BIRC6: variants seen among roughly 807,000 people sequenced by gnomAD.
The protein encoded by BIRC6 is baculoviral IAP repeat containing 6.
In BIRC6, 98 loss-of-function variants were observed where a neutral mutation model predicts 503.3. The ratio of observed to expected loss-of-function variants is 0.19; its 90% CI spans 0.17 to 0.23. The LOEUF (loss-of-function observed/expected upper bound fraction) is 0.23, where lower values mean the gene tolerates loss of function less well. Among genes scored for constraint, BIRC6 ranks in the 10% least tolerant of loss-of-function variants. The pLI is 1.00. For synonymous variants in BIRC6, 2,240 were observed against 2,078.7 expected, an observed-to-expected ratio of 1.08 and a Z score of -2.11; for missense variants, 5,360 against 5,806.0, an observed-to-expected ratio of 0.92 and a Z score of 2.50.
chr2:32,569,840 T>TC (rs1296458795), intron 65 of BIRC6, among the ~76,000 whole-genome samples: 6 of 152,148 alleles, frequency 3.9e-5, no homozygotes, highest in Non-Finnish European at 5.9e-5. Context: ...CATGGAGTCT[T>TC]TAGGGTTTTC....
chr2:32,488,773 T>C (rs1572573339), intron 42 of BIRC6, 59 bp downstream of exon 42: 2 of 1,195,030 alleles, frequency 1.7e-6, no homozygotes, highest in East Asian at 5.5e-5. Context: ...AACGTAATTA[T>C]TAGGTTAAAA....
chr2:32,529,676 A>G lies in BIRC6; in HGVS notation c.11946A>G (p.Thr3982=), dbSNP rs2056570728. 6.2e-7 allele frequency: 1 copy of G among 1,603,498 alleles called. No individual in the cohort carries two copies. Among genetic ancestry groups the G allele is most frequent in the Admixed American group, 1.7e-5 (1 of 57,976 alleles). Residue 3982 remains threonine (T), a synonymous_variant, in exon 60 of 74, where the codon ACA becomes ACG. Transcript: ENST00000421745. ...GCCAGCCATTGCCAGCTGAAATGACACTTGCCCAGCTTTTAACTCTCCTAT... is the reference window on the plus strand; with the variant it reads ...GCCAGCCATTGCCAGCTGAAATGACGCTTGCCCAGCTTTTAACTCTCCTAT... ...LAGQPLPAEM[T]LAQLLTLLYD... is the part of the protein sequence containing the mutation.
intron 61 of BIRC6, among the ~76,000 whole-genome samples, chr2:32,540,449 GTCTTT>G (rs1168577009): frequency 2.6e-5 from 4 of 151,914 alleles, no homozygotes; most frequent in Non-Finnish European, 4.4e-5. Flanking sequence ...CCTTATTAGA[GTCTTT>G]TCTTTGGGAA....
intron 33 of BIRC6, among the ~76,000 whole-genome samples, chr2:32,474,758 A>T (rs938433350): frequency 1.3e-5 from 2 of 152,210 alleles, no homozygotes; most frequent in African/African-American, 2.4e-5. Context: ...TGCATACGTT[A>T]ATGGTAGAAC....
chr2:32,561,197 C>CAA (rs1173452879), intron 65 of BIRC6, among the ~76,000 whole-genome samples: 1 of 120,094 alleles, frequency 8.3e-6, no homozygotes, highest in Admixed American at 8.5e-5. Context: ...GACTACATCT[C>CAA]AAAAAAAAAA....
chr2:32,447,694 G>T (rs1214245613), intron 21 of BIRC6, among the ~76,000 whole-genome samples: 9 of 106,618 alleles, frequency 8.4e-5, no homozygotes, highest in Non-Finnish European at 1.8e-4. Flanking sequence ...CGGCTGGCCG[G>T]GCGGGGGGCT....
intron 70 of BIRC6, among the ~76,000 whole-genome samples, chr2:32,600,512 G>C (rs1461029883): frequency 6.6e-6 from 1 of 152,166 alleles, no homozygotes; most frequent in Non-Finnish European, 1.5e-5. Flanking sequence ...TTTTGGGTTT[G>C]TTGCAAAAGA....
chr2:32,471,175 G>T, intron 32 of BIRC6, 51 bp downstream of exon 32: 1 of 1,541,824 alleles, frequency 6.5e-7, no homozygotes, highest in Middle Eastern at 1.7e-4. Flanking sequence ...ATAATAATAT[G>T]TTGGTGGGGA....
chr2:32,547,204 C>G (rs2058110555), intron 63 of BIRC6, among the ~76,000 whole-genome samples: 1 of 152,144 alleles, frequency 6.6e-6, no homozygotes, highest in Admixed American at 6.5e-5. Context: ...CTGCTCATAT[C>G]TGTATTCTTT....
At position 32,429,228 on chromosome 2, in the gene BIRC6, T is replaced by A. The variant is rs947384814; in HGVS notation, c.2955T>A (p.Ser985=). 3 of 1,565,806 alleles carry A rather than the reference T, an allele frequency of 1.9e-6. No homozygotes were observed. The highest frequency in any genetic ancestry group is 1.4e-5 in the African/African-American group (1 of 74,018). The change falls in exon 11 of 74, where the codon TCT becomes TCA. Residue 985 remains serine, a synonymous_variant. Transcript: ENST00000421745. ...EADILVDGSL[S]KGIEPSSEGS... ...ATATACTAGTGGATGGATCTCTTTCTAAAGGAATAGAACCATCTTCAGAAG... is the reference window on the plus strand; with the variant it reads ...ATATACTAGTGGATGGATCTCTTTCAAAAGGAATAGAACCATCTTCAGAAG...
At chr2:32,565,977 T>C (rs2059507741) in intron 65 of BIRC6, 1 of 152,090 alleles carries the variant, frequency 6.6e-6, no homozygotes, top group African/African-American at 2.4e-5. Flanking sequence ...GCATGATGAG[T>C]TTTGGGTGGA....
chr2:32,536,642 T>G (rs1422222432), intron 61 of BIRC6, among the ~76,000 whole-genome samples: 2 of 152,310 alleles, frequency 1.3e-5, no homozygotes, highest in East Asian at 3.9e-4. Context: ...TTCTGAGGGC[T>G]CTGTTCTGTT....
rs200664420 is a variant in BIRC6 at position 32,515,299 on chromosome 2, A to G, written c.10878A>G (p.Leu3626=). 9.3e-6 allele frequency: 15 copies of G among 1,613,914 alleles called. No homozygotes were observed. In the Admixed American group the frequency reaches 2.3e-4, roughly 25 times the overall value. Residue 3626 remains leucine (L), a synonymous_variant, in exon 55 of 74, where the codon TTA becomes TTG. Transcript: ENST00000421745. ...AATCTCCTGAAGCTATTAAACAATT[A>G]CTAGACTCAGGTTTGCCTTCTCTTC... The part of the protein sequence containing the change: ...SSQSPEAIKQ[L]LDSGLPSLLV...
At chr2:32,578,979 A>AATATATATATATATATATATAT (rs1407258691) in intron 66 of BIRC6, among the ~76,000 whole-genome samples, 6,373 of 73,904 alleles carry the variant, frequency 0.086, 962 homozygotes, top group African/African-American at 0.16. Flanking sequence ...TTATATACCT[A>AATATATATATATATATATATAT]ATATATATAT....
chr2:32,538,919 A>G (rs767845769), intron 61 of BIRC6, among the ~76,000 whole-genome samples: 9 of 152,074 alleles, frequency 5.9e-5, no homozygotes, highest in Non-Finnish European at 1.2e-4. Context: ...ATGATTGAAC[A>G]AATGAATGAA....
intron 57 of BIRC6, chr2:32,521,869 GT>G (rs2055760298): frequency 2.0e-5 from 3 of 152,108 alleles, no homozygotes; most frequent in Admixed American, 2.0e-4. Flanking sequence ...TATGATGATT[GT>G]GTGCCTTACA....
In BIRC6 at chr2:32,512,991, A is replaced by G; in HGVS notation, c.10405A>G (p.Ser3469Gly). The change falls in exon 54 of 74, where the codon AGT becomes GGT. Residue 3469 changes from serine (S) to glycine (G), a missense_variant. This residue lies in a region of BIRC6 where 878 missense variants were observed against 928.9 expected (regional missense o/e 0.95). Coordinates refer to ENST00000421745, the MANE Select transcript of BIRC6 (RefSeq NM_016252.4). ...DSARVAAMKR[S>G]GRMNYMCPNS... is the part of the protein sequence containing the mutation. ...TGCAAGAGTGGCTGCTATGAAGAGA[A>G]GTGGCAGGATGAACTACATGTGTCC... The G allele has an allele frequency of 9.9e-6, 16 of 1,613,984 alleles. No individual in the cohort carries two copies. Among genetic ancestry groups the G allele is most frequent in the Non-Finnish European group, 1.4e-5 (16 of 1,179,872 alleles).
rs77115138 is a variant in BIRC6, at chr2:32,426,080, G to T, written c.2873-3066G>T. Among the ~76,000 whole-genome samples, 495 of 152,334 alleles carry T rather than the reference G, an allele frequency of 3.2e-3. 2 individuals are homozygous for T. The highest frequency in any genetic ancestry group is 0.011 in the African/African-American group (477 of 41,570). On this transcript the variant is annotated intron_variant, in intron 10 of 73. Coordinates refer to ENST00000421745, the MANE Select transcript of BIRC6 (RefSeq NM_016252.4). ...ACTTTCTAGTTGAGTGGTTGCTTTG[G>T]TGGAGGGACTGATCCCTAGAGCTTC...
chr2:32,546,728 G>A (rs1207686068), intron 63 of BIRC6, among the ~76,000 whole-genome samples: 1 of 151,980 alleles, frequency 6.6e-6, no homozygotes, highest in East Asian at 1.9e-4. Context: ...TTTTAGAATA[G>A]TACCAAAAAT....
Sources: allele counts gnomAD v4.1 joint callset (sites outside exome capture counted in the v4.1 genomes callset), GRCh38; gene constraint gnomAD v4.1.1; regional missense constraint gnomAD v4.1.1; transcripts MANE v1.5; gene names NCBI Gene and HGNC (gene_info 2026-07-23, HGNC 2026-07-21).